Variants in IDO2 observed in about 807,000 individuals in gnomAD.
The protein encoded by IDO2 is indoleamine 2,3-dioxygenase 2.
In IDO2, 46 loss-of-function variants were observed where a neutral mutation model predicts 45.1. The observed-to-expected ratio is 1.02, with a 90% confidence interval of 0.80 to 1.30. IDO2 has a LOEUF of 1.30. Ranked by LOEUF, IDO2 falls within the 50% of genes most tolerant of loss-of-function variation. The probability of loss-of-function intolerance (pLI) is 0.00; values close to 1 mark genes in which losing one functional copy is unlikely to be tolerated. For synonymous variants in IDO2, 218 were observed against 184.9 expected (o/e 1.18, Z -1.45); for missense variants, 544 against 491.8 (o/e 1.11, Z -1.00).
chr8:39,977,153 A>G (rs530377861), intron 3 of IDO2, among the ~76,000 whole-genome samples: 2 of 152,330 alleles, frequency 1.3e-5, no homozygotes, highest in Middle Eastern at 3.4e-3. Flanking sequence ...AATGTATTCT[A>G]TGAAATCAGT....
chr8:39,978,293 C>T (rs1173591741), intron 3 of IDO2, among the ~76,000 whole-genome samples: 1 of 152,136 alleles, frequency 6.6e-6, no homozygotes, highest in Non-Finnish European at 1.5e-5. Flanking sequence ...GGGGACCACC[C>T]GGGAAGATCC....
At chr8:39,951,347 A>G (rs1279449681) in intron 2 of IDO2, among the ~76,000 whole-genome samples, 1 of 147,888 alleles carries the variant, frequency 6.8e-6, no homozygotes, top group African/African-American at 2.5e-5. Flanking sequence ...ACTGTGAGAA[A>G]TGGGAATGGA....
At chr8:39,946,902 G>A (rs1807740804) in intron 1 of IDO2, among the ~76,000 whole-genome samples, 1 of 152,058 alleles carries the variant, frequency 6.6e-6, no homozygotes, top group South Asian at 2.1e-4. Flanking sequence ...GCTCATGCCT[G>A]TAATCCCAGC....
rs1585425322 is a variant in IDO2 at position 40,016,357 on chromosome 8, G to C, written c.*755G>C. 4.3e-5 allele frequency: 17 copies of C among 391,800 alleles called. 1 individual carries two copies. The East Asian group carries it at 6.1e-4, about 14-fold the overall frequency. 24.3% of individuals were successfully genotyped at this position (391,800 alleles called of 1,614,324 possible). Reference sequence around the variant, plus strand: ...CTGGGAATAAGTAGTAAATCAATGTGTTTAGTGTGCAAATAAATGTAAATG... The same window carrying C: ...CTGGGAATAAGTAGTAAATCAATGTCTTTAGTGTGCAAATAAATGTAAATG... On this transcript the variant is annotated 3_prime_UTR_variant, in exon 11 of 11. Coordinates refer to ENST00000502986, the Ensembl canonical transcript of IDO2.
At chr8:39,942,129 A>G (rs7824841) in intron 1 of IDO2, among the ~76,000 whole-genome samples, 64,167 of 152,090 alleles carry the variant, frequency 0.42, 13,732 homozygotes, top group East Asian at 0.59. Context: ...TTAGAATGAG[A>G]GGAAAACAAC....
intron 5 of IDO2, among the ~76,000 whole-genome samples, chr8:39,983,726 C>T (rs970525786): frequency 6.6e-6 from 1 of 152,034 alleles, no homozygotes; most frequent in Non-Finnish European, 1.5e-5. Flanking sequence ...ATTAGCCGGG[C>T]ATGGTGGCAC....
intron 3 of IDO2, among the ~76,000 whole-genome samples, chr8:39,974,346 A>T (rs1808227213): frequency 6.6e-6 from 1 of 152,216 alleles, no homozygotes; most frequent in East Asian, 1.9e-4. Context: ...CACATAGCAA[A>T]ATGATTAACT....
intron 2 of IDO2, among the ~76,000 whole-genome samples, chr8:39,959,024 A>G (rs1807948078): frequency 6.6e-6 from 1 of 152,052 alleles, no homozygotes; most frequent in Non-Finnish European, 1.5e-5. Flanking sequence ...TAAAACATCT[A>G]GAGGTTTTCC....
At chr8:40,006,172 A>G (rs13276334) in intron 9 of IDO2, among the ~76,000 whole-genome samples, 70,006 of 151,962 alleles carry the variant, frequency 0.46, 16,756 homozygotes, top group South Asian at 0.54. Context: ...TTGACTTACC[A>G]TTTTTTGACT....
At chr8:39,993,600 A>G (rs893222989) in intron 8 of IDO2, among the ~76,000 whole-genome samples, 1 of 152,148 alleles carries the variant, frequency 6.6e-6, no homozygotes, top group Non-Finnish European at 1.5e-5. Flanking sequence ...CAGCCTGTGA[A>G]CTTATTTTGT....
intron 2 of IDO2, among the ~76,000 whole-genome samples, chr8:39,956,068 T>G (rs1353729456): frequency 6.6e-6 from 1 of 151,616 alleles, no homozygotes; most frequent in East Asian, 1.9e-4. Flanking sequence ...ACTTTTTTTT[T>G]TTTTTTTTTG....
chr8:39,981,935 G>A (rs980881803), intron 4 of IDO2, among the ~76,000 whole-genome samples: 3 of 152,096 alleles, frequency 2.0e-5, no homozygotes, highest in Non-Finnish European at 4.4e-5. Flanking sequence ...GTTGAAGGGG[G>A]TCTGTCCTGT....
At chr8:39,995,441 C>T (rs981951995) in intron 8 of IDO2, among the ~76,000 whole-genome samples, 22 of 151,324 alleles carry the variant, frequency 1.5e-4, no homozygotes, top group Non-Finnish European at 2.5e-4. Context: ...CCACCACGCC[C>T]GGATAATTTT....
chr8:40,013,695 C>T (rs765222349), exon 10 of IDO2: 10 of 1,607,366 alleles, frequency 6.2e-6, no homozygotes, highest in Non-Finnish European at 8.5e-6. Flanking sequence ...CTTAGGCATT[C>T]GTCATAGCAA....
chr8:40,014,491 C>T (rs1056224423), intron 10 of IDO2, among the ~76,000 whole-genome samples: 37 of 152,072 alleles, frequency 2.4e-4, no homozygotes, highest in Admixed American at 3.9e-4. Context: ...TTTGCCTTCA[C>T]GGGCTTTATA....
chr8:40,013,781 C>A (rs375731826), intron 10 of IDO2, 68 bp downstream of exon 10: 2 of 361,550 alleles, frequency 5.5e-6, no homozygotes, highest in Non-Finnish European at 9.5e-6. Flanking sequence ...TTTTTTTTTC[C>A]AATTGATAAA....
At chr8:40,007,926 G>A (rs188099867) in intron 9 of IDO2, among the ~76,000 whole-genome samples, 3 of 151,858 alleles carry the variant, frequency 2.0e-5, no homozygotes, top group Admixed American at 2.0e-4. Context: ...TCAGTGTTTT[G>A]TGGTTCTAGA....
intron 1 of IDO2, among the ~76,000 whole-genome samples, chr8:39,948,279 C>G (rs1807767997): frequency 6.6e-6 from 1 of 152,294 alleles, no homozygotes; most frequent in East Asian, 1.9e-4. Flanking sequence ...GACTATGTTG[C>G]TCAAACTACA....
intron 1 of IDO2, among the ~76,000 whole-genome samples, chr8:39,947,900 G>A (rs1019897461): frequency 1.3e-5 from 2 of 150,526 alleles, no homozygotes; most frequent in Non-Finnish European, 2.9e-5. Flanking sequence ...CAATTCTCCT[G>A]CCTCAGCCTC....
Sources: allele counts gnomAD v4.1 joint callset (sites outside exome capture counted in the v4.1 genomes callset), GRCh38; gene constraint gnomAD v4.1.1; transcripts MANE v1.5; gene names NCBI Gene and HGNC (gene_info 2026-07-23, HGNC 2026-07-21).